The following KIAA0319L variants were observed in gnomAD, a reference collection of about 807,000 sequenced individuals.
KIAA0319L encodes the protein dyslexia-associated protein KIAA0319-like protein.
A neutral mutation model predicts 120.1 loss-of-function variants in KIAA0319L; 55 were observed. The ratio of observed to expected loss-of-function variants is 0.46; its 90% CI spans 0.37 to 0.57. KIAA0319L has a LOEUF of 0.57. KIAA0319L is among the 20% of genes least tolerant of loss of function. The pLI is 0.00. For synonymous variants in KIAA0319L, 398 were observed against 471.9 expected (o/e 0.84, Z 2.03); for missense variants, 1,049 against 1,255.3 (o/e 0.84, Z 2.48).
chr1:35,545,240 C>G (rs1264526117), intron 2 of KIAA0319L, among the ~76,000 whole-genome samples: 1 of 152,238 alleles, frequency 6.6e-6, no homozygotes, highest in Admixed American at 6.5e-5. Context: ...GAGGAGCATG[C>G]TGGAACTCTG....
At chr1:35,519,360 T>C (rs1485248572) in intron 2 of KIAA0319L, among the ~76,000 whole-genome samples, 2 of 152,172 alleles carry the variant, frequency 1.3e-5, no homozygotes, top group East Asian at 3.8e-4. Flanking sequence ...AAAGTTTTTT[T>C]TTCCCCTGTA....
chr1:35,477,478 T>C (rs113806171), intron 4 of KIAA0319L, among the ~76,000 whole-genome samples: 7,784 of 152,082 alleles, frequency 0.051, 274 homozygotes, highest in Non-Finnish European at 0.072. Context: ...CCATCCTGGC[T>C]AACACGGTGA....
chr1:35,442,404 C>T, intron 18 of KIAA0319L, 68 bp from the exon 19 acceptor site: 1 of 1,210,150 alleles, frequency 8.3e-7, no homozygotes, highest in South Asian at 1.2e-5. Context: ...GGGCTGCTCC[C>T]AGCTTGGGCA....
At chr1:35,522,876 G>A (rs1009743057) in intron 2 of KIAA0319L, among the ~76,000 whole-genome samples, 1 of 151,474 alleles carries the variant, frequency 6.6e-6, no homozygotes, top group African/African-American at 2.4e-5. Flanking sequence ...AAAATTAGCC[G>A]GGCGTGGTGG....
intron 2 of KIAA0319L, among the ~76,000 whole-genome samples, chr1:35,543,448 A>G (rs1571019292): frequency 1.3e-5 from 2 of 152,230 alleles, no homozygotes; most frequent in Non-Finnish European, 2.9e-5. Flanking sequence ...ATCTGCCTCA[A>G]TTTGGGTGCC....
At position 35,460,317 on chromosome 1, in the gene KIAA0319L, T is replaced by C; in HGVS notation, c.1415A>G (p.Asn472Ser). Residue 472 changes from asparagine to serine, a missense_variant, in exon 9 of 21, where the codon AAC becomes AGC. By Grantham distance (46) the Asn-to-Ser change is conservative. Transcript: ENST00000325722. ...ILKLSKLVPG[N>S]YTFSLTVVDS... ...AATCCTAATTTACCTGAAAGTGTAG[T>C]TCCCAGGGACGAGTTTACTTAGTTT... 6.2e-7 allele frequency: 1 copy of C among 1,611,284 alleles called. No homozygotes were observed. Among genetic ancestry groups the C allele is most frequent in the East Asian group, 2.2e-5 (1 of 44,808 alleles).
intron 2 of KIAA0319L, among the ~76,000 whole-genome samples, chr1:35,529,605 T>C (rs1558607824): frequency 6.6e-6 from 1 of 152,254 alleles, no homozygotes; most frequent in Non-Finnish European, 1.5e-5. Flanking sequence ...AGGTTTGTTT[T>C]TTCCCTTCAG....
intron 3 of KIAA0319L, among the ~76,000 whole-genome samples, chr1:35,480,825 A>G (rs532138680): frequency 6.5e-4 from 99 of 152,280 alleles, no homozygotes; most frequent in Non-Finnish European, 1.0e-3. Flanking sequence ...TAATTCACAT[A>G]AACTACACAC....
chr1:35,540,449 G>C (rs1377447372), intron 2 of KIAA0319L, among the ~76,000 whole-genome samples: 2 of 152,196 alleles, frequency 1.3e-5, no homozygotes, highest in Non-Finnish European at 2.9e-5. Context: ...GTGCTGATGG[G>C]CTGGGTGTAT....
At chr1:35,541,442 T>A (rs1463782818) in intron 2 of KIAA0319L, among the ~76,000 whole-genome samples, 1 of 147,568 alleles carries the variant, frequency 6.8e-6, no homozygotes, top group African/African-American at 2.5e-5. Flanking sequence ...CTCTCCCTCC[T>A]GGGTTCAAGT....
intron 7 of KIAA0319L, among the ~76,000 whole-genome samples, chr1:35,463,133 T>C (rs1002471170): frequency 1.3e-5 from 2 of 152,220 alleles, no homozygotes; most frequent in African/African-American, 4.8e-5. Context: ...CACGGACAGA[T>C]AGCAGTCCAT....
At chr1:35,527,148 C>T (rs2148459079) in intron 2 of KIAA0319L, among the ~76,000 whole-genome samples, 1 of 149,528 alleles carries the variant, frequency 6.7e-6, no homozygotes, top group East Asian at 1.9e-4. Context: ...TTGAGATAAT[C>T]ACACGGTTTT....
At chr1:35,493,111 T>C (rs1203287135) in intron 3 of KIAA0319L, among the ~76,000 whole-genome samples, 1 of 152,212 alleles carries the variant, frequency 6.6e-6, no homozygotes, top group Admixed American at 6.5e-5. Flanking sequence ...TCTTTATTTA[T>C]AGACAACATG....
intron 3 of KIAA0319L, among the ~76,000 whole-genome samples, chr1:35,493,534 T>A (rs1644680370): frequency 6.6e-6 from 1 of 152,122 alleles, no homozygotes; most frequent in South Asian, 2.1e-4. Flanking sequence ...CTGCAAGATC[T>A]GTACACCGGT....
At chr1:35,449,438 TATAAAA>T (rs1389263719) in intron 15 of KIAA0319L, among the ~76,000 whole-genome samples, 4 of 152,228 alleles carry the variant, frequency 2.6e-5, no homozygotes, top group Non-Finnish European at 5.9e-5. Flanking sequence ...AGGCTCAACT[TATAAAA>T]ATAAATTGTT....
intron 3 of KIAA0319L, among the ~76,000 whole-genome samples, chr1:35,505,891 G>A (rs1388820423): frequency 6.6e-6 from 1 of 152,204 alleles, no homozygotes; most frequent in African/African-American, 2.4e-5. Flanking sequence ...CGCTTGGCAT[G>A]TCATAGCCCA....
chr1:35,501,922 TGCTTAGGTTCAA>T (rs1295891945), intron 3 of KIAA0319L, among the ~76,000 whole-genome samples: 3 of 150,078 alleles, frequency 2.0e-5, no homozygotes, highest in African/African-American at 7.4e-5. Flanking sequence ...AGAATCAGCC[TGCTTAGGTTCAA>T]GTCTTGGTTG....
At chr1:35,447,179 CT>C (rs1641684412) in intron 16 of KIAA0319L, among the ~76,000 whole-genome samples, 1 of 151,362 alleles carries the variant, frequency 6.6e-6, no homozygotes, top group Non-Finnish European at 1.5e-5. Flanking sequence ...CCTGAATGGT[CT>C]CCCAGCCTTT....
Position 35,434,910 on chromosome 1 carries a change from C to T in KIAA0319L, c.3134G>A (p.Arg1045Gln), listed in dbSNP as rs373199789. Residue 1045 changes from arginine (R) to glutamine (Q), a missense_variant, in exon 21 of 21, where the codon CGG becomes CAG. Physicochemically the swap from Arg to Gln is conservative, Grantham distance 43. Coordinates refer to ENST00000325722, the MANE Select transcript of KIAA0319L (RefSeq NM_024874.5). Reference protein sequence around the residue: ...GQTPLKARSPREEIL With the variant: ...GQTPLKARSPQEEIL ...ACCAGGTGGCTACAGGATCTCCTCC[C>T]GCGGGCTCCTGGCCTTCAGAGGGGT... 23 of 1,612,558 alleles carry T rather than the reference C, an allele frequency of 1.4e-5. No individual in the cohort carries two copies. Among genetic ancestry groups the T allele is most frequent in the Admixed American group, 6.7e-5 (4 of 59,978 alleles).
Sources: allele counts gnomAD v4.1 joint callset (sites outside exome capture counted in the v4.1 genomes callset), GRCh38; gene constraint gnomAD v4.1.1; transcripts MANE v1.5; gene names NCBI Gene and HGNC (gene_info 2026-07-23, HGNC 2026-07-21).